The following GLIS3 variants were observed in gnomAD, a reference collection of about 807,000 sequenced individuals.
GLIS3 encodes zinc finger protein GLIS3.
A neutral mutation model predicts 78.6 loss-of-function variants in GLIS3; 53 were observed. The ratio of observed to expected loss-of-function variants is 0.67; its 90% CI spans 0.54 to 0.85. GLIS3 has a LOEUF of 0.85. Ranked by LOEUF, GLIS3 falls within the 40% of genes least tolerant of loss-of-function variation. The pLI, the probability that GLIS3 is intolerant of heterozygous loss-of-function variation, is 0.00. For synonymous variants in GLIS3, 684 were observed against 509.9 expected (o/e 1.34, Z -4.60); for missense variants, 1,703 against 1,231.1 (o/e 1.38, Z -5.74).
the GLIS3 span, among the ~76,000 whole-genome samples, chr9:4,430,625 G>A: frequency 6.6e-6 from 1 of 152,200 alleles, no homozygotes; most frequent in East Asian, 1.9e-4. Context: ...ATAAATCAAA[G>A]AACAACTAGC....
At chr9:4,070,550 G>C (rs985793860) in intron 4 of GLIS3, among the ~76,000 whole-genome samples, 1 of 152,120 alleles carries the variant, frequency 6.6e-6, no homozygotes, top group Non-Finnish European at 1.5e-5. Context: ...GTGTGTGAGA[G>C]AGAGAGATGC....
intron 8 of GLIS3, among the ~76,000 whole-genome samples, chr9:3,870,680 G>A (rs535323528): frequency 6.6e-6 from 1 of 152,304 alleles, no homozygotes; most frequent in African/African-American, 2.4e-5. Context: ...AACAGTATGA[G>A]GGAAACAAAC....
At chr9:4,371,352 C>A in the GLIS3 span, among the ~76,000 whole-genome samples, 1 of 152,204 alleles carries the variant, frequency 6.6e-6, no homozygotes, top group African/African-American at 2.4e-5. Context: ...AGGCCCACTC[C>A]ACTTCTTCCA....
chr9:4,328,010 T>C (rs967818403), intron 2 of GLIS3, among the ~76,000 whole-genome samples: 5 of 152,216 alleles, frequency 3.3e-5, no homozygotes, highest in African/African-American at 4.8e-5. Context: ...ACGTGACTCA[T>C]GTCGAATGCA....
At chr9:4,458,646 G>C in the GLIS3 span, among the ~76,000 whole-genome samples, 1 of 152,018 alleles carries the variant, frequency 6.6e-6, no homozygotes, top group Non-Finnish European at 1.5e-5. Flanking sequence ...AAATTAGCTG[G>C]GCATGGTGGC....
chr9:4,319,534 C>CTTTTTTTTTTTTTTTTT (rs5896062), intron 2 of GLIS3, among the ~76,000 whole-genome samples: 1 of 150,472 alleles, frequency 6.6e-6, no homozygotes. Flanking sequence ...AATACTAACA[C>CTTTTTTTTTTTTTTTTT]TTTTTTTTTT....
chr9:3,882,781 T>C (rs756429012), intron 7 of GLIS3, among the ~76,000 whole-genome samples: 4 of 152,188 alleles, frequency 2.6e-5, no homozygotes, highest in African/African-American at 4.8e-5. Context: ...ATTTAAAAAC[T>C]GGATTTGGAA....
the GLIS3 span, among the ~76,000 whole-genome samples, chr9:4,380,952 T>C: frequency 6.6e-6 from 1 of 151,784 alleles, no homozygotes; most frequent in Non-Finnish European, 1.5e-5. Context: ...AAGAGGAAAA[T>C]AAGCCATATA....
At position 4,129,630 on chromosome 9, in the gene GLIS3, G is replaced by C. The variant is rs180719820; in HGVS notation, c.389-3689C>G. Among the ~76,000 whole-genome samples the C allele has an allele frequency of 2.0e-5, 3 of 152,228 alleles. No individual in the cohort carries two copies. In the East Asian group the frequency reaches 5.8e-4, roughly 29 times the overall value. On this transcript the variant is annotated intron_variant, in intron 2 of 10. Transcript: ENST00000381971. ...CCACCATGATTGAAAGTTTCCTGAG[G>C]CCTCCCCAGAAGCTTCTATGCTTCC...
At chr9:3,873,729 C>G (rs901957433) in intron 8 of GLIS3, among the ~76,000 whole-genome samples, 2 of 151,650 alleles carry the variant, frequency 1.3e-5, no homozygotes, top group Non-Finnish European at 2.9e-5. Context: ...ACTGAAAGGC[C>G]TAGAAAGATC....
chr9:4,319,138 T>C (rs188369375), intron 2 of GLIS3, among the ~76,000 whole-genome samples: 1 of 152,236 alleles, frequency 6.6e-6, no homozygotes, highest in East Asian at 1.9e-4. Context: ...ATGAAATGAG[T>C]GATCTCAGCT....
At chr9:4,196,963 T>G (rs1412837629) in intron 2 of GLIS3, among the ~76,000 whole-genome samples, 1 of 152,148 alleles carries the variant, frequency 6.6e-6, no homozygotes, top group Non-Finnish European at 1.5e-5. Context: ...CTCCAGGCAC[T>G]TGGAGCATCT....
chr9:3,926,183 G>C (rs1825215115), intron 6 of GLIS3, among the ~76,000 whole-genome samples: 1 of 151,706 alleles, frequency 6.6e-6, no homozygotes, highest in African/African-American at 2.4e-5. Context: ...TTTTTTAAAA[G>C]CTCATACAGG....
intron 4 of GLIS3, among the ~76,000 whole-genome samples, chr9:3,966,091 T>TA (rs1346001560): frequency 6.6e-6 from 1 of 152,216 alleles, no homozygotes; most frequent in African/African-American, 2.4e-5. Flanking sequence ...TGTTCATTCT[T>TA]AAACTTTAAT....
At chr9:4,430,958 C>T in the GLIS3 span, among the ~76,000 whole-genome samples, 2 of 151,322 alleles carry the variant, frequency 1.3e-5, no homozygotes, top group Admixed American at 6.6e-5. Context: ...ATATCTGCTC[C>T]TCAGTTTCAG....
At position 4,134,225 on chromosome 9, in the gene GLIS3, C is replaced by T. The variant is rs969464252; in HGVS notation, c.389-8284G>A. ...AGTAGAGTTGAAAGCCAATTTAGATCACTTGCAATTGAAGTTTTTGCAACT... is the reference window on the plus strand; with the variant it reads ...AGTAGAGTTGAAAGCCAATTTAGATTACTTGCAATTGAAGTTTTTGCAACT... On this transcript the variant is annotated intron_variant, in intron 2 of 10. Coordinates refer to ENST00000381971, the MANE Select transcript of GLIS3 (RefSeq NM_001042413.2). Among the ~76,000 whole-genome samples, 21 of 152,152 alleles carry T rather than the reference C, an allele frequency of 1.4e-4. 1 individual carries two copies. Among genetic ancestry groups the T allele is most frequent in the Admixed American group, 1.4e-3 (21 of 15,262 alleles).
chr9:3,830,558 C>T (rs1817986272), intron 9 of GLIS3, among the ~76,000 whole-genome samples: 1 of 152,144 alleles, frequency 6.6e-6, no homozygotes, highest in Non-Finnish European at 1.5e-5. Flanking sequence ...CGTTTTAAAG[C>T]ACTTTATAAG....
chr9:4,221,572 T>C (rs974700904), intron 2 of GLIS3, among the ~76,000 whole-genome samples: 1 of 152,188 alleles, frequency 6.6e-6, no homozygotes, highest in Non-Finnish European at 1.5e-5. Context: ...TTCAGATACC[T>C]GACTTGATTT....
the GLIS3 span, among the ~76,000 whole-genome samples, chr9:4,484,958 G>C: frequency 7.4e-6 from 1 of 136,044 alleles, no homozygotes; most frequent in Non-Finnish European, 1.5e-5. Context: ...TACTCCTGTA[G>C]ATAACATCAT....
Sources: allele counts gnomAD v4.1 joint callset (sites outside exome capture counted in the v4.1 genomes callset), GRCh38; gene constraint gnomAD v4.1.1; transcripts MANE v1.5; gene names NCBI Gene and HGNC (gene_info 2026-07-23, HGNC 2026-07-21).